MYOZ2: variants seen among roughly 807,000 people sequenced by gnomAD.
MYOZ2 encodes the protein myozenin 2, also known as myozenin-2.
Under a neutral mutation model 25.4 loss-of-function variants are expected in MYOZ2, and 19 were observed. That is an observed-to-expected ratio of 0.75 (90% CI 0.52 to 1.10). The LOEUF (loss-of-function observed/expected upper bound fraction) is 1.10, where lower values mean the gene tolerates loss of function less well. Among genes scored for constraint, MYOZ2 ranks in the 50% least tolerant of loss-of-function variants. The probability of loss-of-function intolerance (pLI) is 0.00; values close to 1 mark genes in which losing one functional copy is unlikely to be tolerated. For missense variants in MYOZ2, 270 were observed against 317.9 expected (o/e 0.85, Z 1.15); for synonymous variants, 92 against 106.9 (o/e 0.86, Z 0.86).
At chr4:119,179,361 T>G (rs1482823877) in intron 5 of MYOZ2, among the ~76,000 whole-genome samples, 1 of 152,210 alleles carries the variant, frequency 6.6e-6, no homozygotes, top group African/African-American at 2.4e-5. Context: ...AGAGTTTTGC[T>G]AAAATGTCAT....
Position 119,164,362 on chromosome 4 carries a change from G to T in MYOZ2, c.528G>T (p.Lys176Asn). 1 of 1,614,052 alleles carries T rather than the reference G, an allele frequency of 6.2e-7. No individual in the cohort carries two copies. The highest frequency in any genetic ancestry group is 8.5e-7 in the Non-Finnish European group (1 of 1,179,976). Residue 176 changes from lysine (K) to asparagine (N), a missense_variant, in exon 5 of 6, where the codon AAG becomes AAT. Transcript: ENST00000307128. ...CTAAACTTTTCAAGCCTGAAGGAAA[G>T]GCAGAACTGCCTGATTACAGGAGCT... ...LYPKLFKPEGKAELPDYRSFN... is the reference protein window; with the variant it reads ...LYPKLFKPEGNAELPDYRSFN...
chr4:119,167,294 A>G (rs1741844583), intron 5 of MYOZ2, among the ~76,000 whole-genome samples: 1 of 152,232 alleles, frequency 6.6e-6, no homozygotes, highest in African/African-American at 2.4e-5. Flanking sequence ...CAAACCAGGA[A>G]CAACATTTCC....
chr4:119,149,204 AGACTCCCAC>A (rs1450493667), intron 2 of MYOZ2, among the ~76,000 whole-genome samples: 2 of 152,216 alleles, frequency 1.3e-5, no homozygotes, highest in Non-Finnish European at 2.9e-5. Context: ...ACAGGAGTTC[AGACTCCCAC>A]GTAGTCTTCA....
In MYOZ2 at chr4:119,187,398, GGAA is replaced by G. The variant is rs1742317410; in HGVS notation, c.*1203_*1205del. On this transcript the variant is annotated 3_prime_UTR_variant, in exon 6 of 6. Coordinates refer to ENST00000307128, the MANE Select transcript of MYOZ2 (RefSeq NM_016599.5). Reference sequence around the variant, plus strand: ...ACTATCAGATAAAGTTTAGGAGATAGGAAGAAGGACTGTGTGTAGTAATGAAAA... The same window carrying G: ...ACTATCAGATAAAGTTTAGGAGATAGGAAGGACTGTGTGTAGTAATGAAAA... 1 of 152,198 alleles carries G rather than the reference GGAA, an allele frequency of 6.6e-6. No individual in the cohort carries two copies. The highest frequency in any genetic ancestry group is 2.1e-4 in the South Asian group (1 of 4,832). 9.4% of individuals were successfully genotyped at this position (152,198 alleles called of 1,614,324 possible). A position where few individuals can be genotyped will look rare whatever the true frequency, so the allele number is the denominator to read the frequency against.
intron 5 of MYOZ2, among the ~76,000 whole-genome samples, chr4:119,169,606 G>A (rs760379771): frequency 2.6e-5 from 4 of 152,214 alleles, no homozygotes; most frequent in Non-Finnish European, 5.9e-5. Flanking sequence ...GTGGTACCAC[G>A]TTTCTCCTTG....
chr4:119,179,645 T>C (rs1742147457), intron 5 of MYOZ2, among the ~76,000 whole-genome samples: 2 of 152,226 alleles, frequency 1.3e-5, no homozygotes, highest in Admixed American at 1.3e-4. Flanking sequence ...TCTTAGTTTG[T>C]GCAGCTGTAA....
intron 2 of MYOZ2, among the ~76,000 whole-genome samples, chr4:119,147,585 A>G (rs1279123586): frequency 6.6e-6 from 1 of 151,966 alleles, no homozygotes; most frequent in Non-Finnish European, 1.5e-5. Context: ...TACTAAAAAA[A>G]CAAAAATTGG....
In MYOZ2 at chr4:119,143,627, G is replaced by A. The variant is rs939035389; in HGVS notation, c.76+7026G>A. On this transcript the variant is annotated intron_variant, in intron 2 of 5. Coordinates refer to ENST00000307128, the MANE Select transcript of MYOZ2 (RefSeq NM_016599.5). Reference sequence around the variant, plus strand: ...TACGGGCTTTCACAAATGCAGTGTCGTATATCTGCCATTACAGCATCACAC... The same window carrying A: ...TACGGGCTTTCACAAATGCAGTGTCATATATCTGCCATTACAGCATCACAC... Among the ~76,000 whole-genome samples the A allele has an allele frequency of 7.9e-5, 12 of 152,234 alleles. No homozygotes were observed. The East Asian group carries it at 1.4e-3, about 17-fold the overall frequency.
At chr4:119,163,298 T>C (rs1741748890) in intron 4 of MYOZ2, among the ~76,000 whole-genome samples, 1 of 152,092 alleles carries the variant, frequency 6.6e-6, no homozygotes. Flanking sequence ...ATCAAAATTA[T>C]TGCAGAGATG....
intron 5 of MYOZ2, among the ~76,000 whole-genome samples, chr4:119,168,287 C>A (rs779317709): frequency 5.3e-5 from 8 of 152,190 alleles, no homozygotes; most frequent in Non-Finnish European, 1.2e-4. Flanking sequence ...CTTTTTATGC[C>A]TGTTGACACA....
chr4:119,172,112 C>T lies in MYOZ2; in HGVS notation c.560+7718C>T, dbSNP rs555052003. Among the ~76,000 whole-genome samples, 24 of 152,214 alleles carry T rather than the reference C, an allele frequency of 1.6e-4. No individual in the cohort carries two copies. In the South Asian group the frequency reaches 5.0e-3, roughly 32 times the overall value. On this transcript the variant is annotated intron_variant, in intron 5 of 5. Transcript: ENST00000307128. ...AGTTCAACTTTGAATTTTTGTAGTT[C>T]CTCTGAGTGTATTCAAATTTTATGT...
intron 2 of MYOZ2, among the ~76,000 whole-genome samples, chr4:119,143,249 G>A (rs1310984925): frequency 6.6e-6 from 1 of 151,212 alleles, no homozygotes; most frequent in African/African-American, 2.4e-5. Flanking sequence ...AGGCTGGAGT[G>A]CAGTGGCCTG....
intron 4 of MYOZ2, among the ~76,000 whole-genome samples, chr4:119,160,641 T>C (rs186643583): frequency 1.5e-3 from 224 of 152,146 alleles, no homozygotes; most frequent in African/African-American, 5.2e-3. Flanking sequence ...AGAGACTTTG[T>C]GGGGGGAAAA....
intron 5 of MYOZ2, among the ~76,000 whole-genome samples, chr4:119,178,768 G>A (rs951930616): frequency 3.9e-5 from 6 of 152,116 alleles, no homozygotes; most frequent in South Asian, 4.2e-4. Context: ...CACCTCACCC[G>A]GCTAATTTTT....
At chr4:119,179,440 T>A (rs1024858170) in intron 5 of MYOZ2, among the ~76,000 whole-genome samples, 1 of 152,250 alleles carries the variant, frequency 6.6e-6, no homozygotes, top group African/African-American at 2.4e-5. Context: ...TCAACAGTGA[T>A]ATGGACACAT....
At chr4:119,137,489 C>T (rs1434760237) in intron 2 of MYOZ2, among the ~76,000 whole-genome samples, 2 of 152,052 alleles carry the variant, frequency 1.3e-5, no homozygotes, top group Admixed American at 6.6e-5. Context: ...CAGCCTTTCA[C>T]CACTACAATA....
At chr4:119,167,819 C>A (rs1741856789) in intron 5 of MYOZ2, among the ~76,000 whole-genome samples, 1 of 152,244 alleles carries the variant, frequency 6.6e-6, no homozygotes, top group Non-Finnish European at 1.5e-5. Flanking sequence ...TGAATGACAG[C>A]ACATCTGTTT....
intron 5 of MYOZ2, among the ~76,000 whole-genome samples, chr4:119,168,264 G>A (rs557645403): frequency 1.3e-3 from 191 of 152,284 alleles, no homozygotes; most frequent in African/African-American, 4.4e-3. Flanking sequence ...GAGCCACTGC[G>A]CCCAGCCTAA....
chr4:119,154,587 A>G (rs754603401), intron 3 of MYOZ2, among the ~76,000 whole-genome samples: 2 of 152,168 alleles, frequency 1.3e-5, no homozygotes, highest in African/African-American at 2.4e-5. Context: ...AAATTAATGT[A>G]GGTAGAATTA....
Sources: allele counts gnomAD v4.1 joint callset (sites outside exome capture counted in the v4.1 genomes callset), GRCh38; gene constraint gnomAD v4.1.1; transcripts MANE v1.5; gene names NCBI Gene and HGNC (gene_info 2026-07-23, HGNC 2026-07-21).